LIPC: variants seen among roughly 807,000 people sequenced by gnomAD.
The protein encoded by LIPC is hepatic triacylglycerol lipase.
Under a neutral mutation model 50.7 loss-of-function variants are expected in LIPC, and 44 were observed. The ratio of observed to expected loss-of-function variants is 0.87; its 90% CI spans 0.68 to 1.11. The LOEUF is 1.11. Ranked by LOEUF, LIPC falls within the 50% of genes most tolerant of loss-of-function variation. The pLI, the probability that LIPC is intolerant of heterozygous loss-of-function variation, is 0.00. For missense variants in LIPC, 697 were observed against 648.2 expected (o/e 1.08, Z -0.82); for synonymous variants, 271 against 256.4 (o/e 1.06, Z -0.54).
At chr15:58,539,270 A>C (rs1371547575) in intron 2 of LIPC, among the ~76,000 whole-genome samples, 1 of 152,218 alleles carries the variant, frequency 6.6e-6, no homozygotes, top group Non-Finnish European at 1.5e-5. Flanking sequence ...TACACAATTC[A>C]ATGGCTTTTG....
chr15:58,432,319 C>T (rs748212890), intron 1 of LIPC, 199 bp downstream of exon 1: 56 of 619,726 alleles, frequency 9.0e-5, no homozygotes, highest in South Asian at 1.5e-4. Context: ...AAATCATCCT[C>T]GGATTAAAAG....
At chr15:58,502,620 T>C (rs1183899431) in intron 1 of LIPC, among the ~76,000 whole-genome samples, 1 of 151,984 alleles carries the variant, frequency 6.6e-6, no homozygotes, top group African/African-American at 2.4e-5. Flanking sequence ...TCCAAGAACA[T>C]TATTCCTATT....
intron 6 of LIPC, among the ~76,000 whole-genome samples, chr15:58,549,739 T>C (rs1201636430): frequency 1.3e-5 from 2 of 152,156 alleles, no homozygotes; most frequent in Non-Finnish European, 2.9e-5. Context: ...CAGAAATTTC[T>C]TGTGGGTGCG....
intron 1 of LIPC, among the ~76,000 whole-genome samples, chr15:58,453,822 C>T (rs530735813): frequency 2.7e-5 from 4 of 147,872 alleles, no homozygotes; most frequent in East Asian, 2.0e-4. Flanking sequence ...CCACAGAGAG[C>T]GAGGCTGCAG....
At chr15:58,484,095 G>T (rs975039828) in intron 1 of LIPC, among the ~76,000 whole-genome samples, 1 of 152,122 alleles carries the variant, frequency 6.6e-6, no homozygotes, top group Admixed American at 6.5e-5. Flanking sequence ...TTGACCCTCT[G>T]GCTCTATCTT....
chr15:58,467,963 C>T (rs1272228201), intron 1 of LIPC, among the ~76,000 whole-genome samples: 1 of 152,146 alleles, frequency 6.6e-6, no homozygotes, highest in African/African-American at 2.4e-5. Context: ...TAACAAAGAA[C>T]TGAGGCTTCC....
At chr15:58,518,267 C>T (rs1450341877) in intron 1 of LIPC, among the ~76,000 whole-genome samples, 2 of 152,224 alleles carry the variant, frequency 1.3e-5, no homozygotes, top group African/African-American at 4.8e-5. Context: ...GGGAAGGTAA[C>T]AGCAGAGCAA....
intron 1 of LIPC, among the ~76,000 whole-genome samples, chr15:58,515,490 C>T (rs1191569720): frequency 6.6e-6 from 1 of 150,764 alleles, no homozygotes; most frequent in East Asian, 1.9e-4. Context: ...CAGAATCGAG[C>T]TTCATTAGTG....
chr15:58,460,951 C>T (rs563160612), intron 1 of LIPC, among the ~76,000 whole-genome samples: 135 of 152,242 alleles, frequency 8.9e-4, no homozygotes, highest in African/African-American at 3.1e-3. Context: ...AAGGGACTGA[C>T]CCGAACATGG....
intron 1 of LIPC, among the ~76,000 whole-genome samples, chr15:58,518,192 GC>G (rs1892540418): frequency 6.6e-6 from 1 of 152,152 alleles, no homozygotes; most frequent in African/African-American, 2.4e-5. Flanking sequence ...AACTCCCCTT[GC>G]CCCCTGTTTT....
intron 1 of LIPC, among the ~76,000 whole-genome samples, chr15:58,480,179 C>T (rs1891138454): frequency 6.6e-6 from 1 of 152,226 alleles, no homozygotes; most frequent in Non-Finnish European, 1.5e-5. Flanking sequence ...GCTAACATCA[C>T]ATTCTGCTTT....
intron 1 of LIPC, among the ~76,000 whole-genome samples, chr15:58,457,099 C>T (rs1226318743): frequency 7.2e-5 from 11 of 152,056 alleles, no homozygotes; most frequent in African/African-American, 2.4e-4. Context: ...CCCTTGGCTT[C>T]GAAAACATGA....
At chr15:58,514,146 G>C (rs1892415935) in intron 1 of LIPC, among the ~76,000 whole-genome samples, 1 of 152,154 alleles carries the variant, frequency 6.6e-6, no homozygotes, top group Non-Finnish European at 1.5e-5. Context: ...CATAACTAAA[G>C]GAGCCAGAAC....
intron 1 of LIPC, chr15:58,432,503 T>C (rs1369759825): frequency 3.3e-6 from 1 of 303,338 alleles, no homozygotes; most frequent in East Asian, 7.8e-5. Context: ...AAATGCTCTG[T>C]CGGGTTGGGG....
chr15:58,501,373 A>C (rs1891980124), intron 1 of LIPC, among the ~76,000 whole-genome samples: 1 of 140,566 alleles, frequency 7.1e-6, no homozygotes. Flanking sequence ...TTAATGCCTG[A>C]AGTTTTTTTG....
chr15:58,478,631 G>A (rs1891082295), intron 1 of LIPC, among the ~76,000 whole-genome samples: 2 of 152,172 alleles, frequency 1.3e-5, no homozygotes, highest in Admixed American at 6.5e-5. Context: ...TTAGGACTTA[G>A]GGAGGTTATG....
chr15:58,476,602 G>T (rs578230551), intron 1 of LIPC, among the ~76,000 whole-genome samples: 3 of 152,328 alleles, frequency 2.0e-5, no homozygotes, highest in African/African-American at 7.2e-5. Flanking sequence ...CCAGCAGTGT[G>T]GACCTCACCC....
chr15:58,432,628 A>G (rs1160707113), intron 1 of LIPC, among the ~76,000 whole-genome samples: 1 of 152,184 alleles, frequency 6.6e-6, no homozygotes, highest in Non-Finnish European at 1.5e-5. Flanking sequence ...TTTGCTGCCA[A>G]AATTTTAGTC....
At chr15:58,561,280 C>G (rs948999117) in intron 7 of LIPC, among the ~76,000 whole-genome samples, 1 of 152,198 alleles carries the variant, frequency 6.6e-6, no homozygotes, top group Non-Finnish European at 1.5e-5. Flanking sequence ...AAGATGTACA[C>G]TGGTTTGGTC....
Sources: allele counts gnomAD v4.1 joint callset (sites outside exome capture counted in the v4.1 genomes callset), GRCh38; gene constraint gnomAD v4.1.1; transcripts MANE v1.5; gene names NCBI Gene and HGNC (gene_info 2026-07-23, HGNC 2026-07-21).